The following ZNF735 variants were observed in gnomAD, a reference collection of about 807,000 sequenced individuals.
ZNF735 encodes the protein zinc finger protein 735.
Under a neutral mutation model 13.4 loss-of-function variants are expected in ZNF735, and 11 were observed. The observed-to-expected ratio is 0.82, with a 90% CI of 0.52 to 1.36. The LOEUF (loss-of-function observed/expected upper bound fraction) is 1.36, where lower values mean the gene tolerates loss of function less well. ZNF735 is among the 40% of genes most tolerant of loss of function. ZNF735 has a pLI of 0.00. For missense variants in ZNF735, 500 were observed against 484.6 expected (o/e 1.03, Z -0.30); for synonymous variants, 171 against 162.6 (o/e 1.05, Z -0.39).
intron 1 of ZNF735, among the ~76,000 whole-genome samples, chr7:64,208,540 A>G (rs2116475568): frequency 6.6e-6 from 1 of 152,224 alleles, no homozygotes; most frequent in East Asian, 1.9e-4. Flanking sequence ...TATAGGCATG[A>G]GCCACCACAC....
At chr7:64,214,229 T>G in intron 3 of ZNF735, 121 bp downstream of exon 3, 1 of 1,095,030 alleles carries the variant, frequency 9.1e-7, no homozygotes, top group Non-Finnish European at 1.3e-6. Flanking sequence ...CTGAGAAGCT[T>G]GAGTATTTTT....
Position 64,220,032 on chromosome 7 carries a change from T to A in ZNF735, c.981T>A (p.Cys327Ter). The A allele has an allele frequency of 6.2e-7, 1 of 1,612,798 alleles. No individual in the cohort carries two copies. The highest frequency in any genetic ancestry group is 8.5e-7 in the Non-Finnish European group (1 of 1,179,434). ...ATACTGGAGAGAAACCCTACACATG[T>A]GAAGAATGTGGCAAAGCCTTTAACT... Residue 327 changes from cysteine (C) to a stop codon, truncating the protein, a stop_gained, in exon 4 of 4, where the codon TGT becomes TGA. Transcript: ENST00000429565. LOFTEE classifies it low-confidence loss of function (END_TRUNC).
intron 3 of ZNF735, among the ~76,000 whole-genome samples, chr7:64,218,668 G>T (rs867966017): frequency 6.6e-6 from 1 of 151,246 alleles, no homozygotes; most frequent in African/African-American, 2.4e-5. Context: ...TTTTTGATTG[G>T]ACCATGTTGC....
rs1165156439 is a variant in ZNF735, at chr7:64,220,244, A to C, written c.1193A>C (p.Lys398Thr). Residue 398 changes from lysine (K) to threonine (T), a missense_variant, in exon 4 of 4, where the codon AAA (lysine) becomes ACA (threonine). Physicochemically the swap from Lys to Thr is moderately conservative, Grantham distance 78 (BLOSUM62 -1). Coordinates refer to ENST00000429565, the Ensembl canonical transcript of ZNF735. ...TTTAAGTGGCATTCAAGTCTTGCTA[A>C]ACATAAGATAATTCACACTGGAGAG... The C allele has an allele frequency of 1.4e-5, 23 of 1,612,088 alleles. No homozygotes were observed. Among genetic ancestry groups the C allele is most frequent in the African/African-American group, 2.7e-5 (2 of 74,808 alleles).
In ZNF735 at chr7:64,215,215, A is replaced by C. The variant is rs988086347; in HGVS notation, c.262+1107A>C. Among the ~76,000 whole-genome samples, 67 of 151,980 alleles carry C rather than the reference A, an allele frequency of 4.4e-4. 1 individual carries two copies. Among genetic ancestry groups the C allele is most frequent in the Admixed American group, 2.0e-4 (3 of 15,244 alleles). ...TACCTGGGATCAGGGATGTGCCACC[A>C]TGCCCAGCTAATTTTGTATTTTTAG... On this transcript the variant is annotated intron_variant, in intron 3 of 3. Transcript: ENST00000429565.
rs1304676700 is a variant in ZNF735 at position 64,211,865 on chromosome 7, C to CA, written c.40-1217dup. On this transcript the variant is annotated intron_variant, in intron 1 of 3. Coordinates refer to ENST00000429565, the Ensembl canonical transcript of ZNF735. The stretch of plus-strand genomic sequence containing the variant: ...TGGGCGACAGAGCAAGACTCCATCT[C>CA]AAAAAAAAAAGAAAAAAGAAAAAAA... Among the ~76,000 whole-genome samples the CA allele has an allele frequency of 8.7e-4, 91 of 104,192 alleles. 1 individual carries two copies. The highest frequency in any genetic ancestry group is 6.3e-3 in the Middle Eastern group (1 of 158). The allele number at this position is 104,192 out of a possible 152,430, so 68.4% of individuals were successfully genotyped here.
intron 3 of ZNF735, among the ~76,000 whole-genome samples, chr7:64,215,672 G>A (rs1343655658): frequency 6.7e-6 from 1 of 150,232 alleles, no homozygotes; most frequent in African/African-American, 2.5e-5. Flanking sequence ...TTCAGTCCAA[G>A]TATTTTGTTT....
chr7:64,219,715 T>C lies in ZNF735; in HGVS notation c.664T>C (p.Phe222Leu), dbSNP rs112078442. 7,176 of 1,595,208 alleles carry C rather than the reference T, an allele frequency of 4.5e-3. 243 individuals carry two copies. In the African/African-American group the frequency reaches 0.078, roughly 17 times the overall value. Residue 222 changes from phenylalanine to leucine, a missense_variant, in exon 4 of 4, where the codon TTT becomes CTT. Transcript: ENST00000429565. ...CAAATGTGAAGAATGTGGCAAATCC[T>C]TTAACCACTCCTCAAGCGGTACTAC...
chr7:64,219,388 A>C lies in ZNF735; in HGVS notation c.337A>C (p.Arg113=), dbSNP rs1007026222. The change falls in exon 4 of 4, where the codon AGA becomes CGA. Residue 113 remains arginine, a synonymous_variant. Transcript: ENST00000429565. ...AGATTCACTCCAAAAAGTAATACCA[A>C]GAACATATGGAAAATGTGGACATGA... 1.9e-6 allele frequency: 3 copies of C among 1,613,906 alleles called. No individual in the cohort carries two copies. In the African/African-American group the frequency reaches 4.0e-5, roughly 22 times the overall value.
intron 1 of ZNF735, among the ~76,000 whole-genome samples, chr7:64,208,160 T>C (rs1421580931): frequency 6.6e-6 from 1 of 152,004 alleles, no homozygotes; most frequent in African/African-American, 2.4e-5. Flanking sequence ...TGAAAATTTA[T>C]TGGTTATGTC....
At chr7:64,212,539 T>C (rs1206260985) in intron 1 of ZNF735, among the ~76,000 whole-genome samples, 1 of 152,108 alleles carries the variant, frequency 6.6e-6, no homozygotes, top group African/African-American at 2.4e-5. Context: ...ATGCCTGCAA[T>C]CCCAGCACTT....
chr7:64,215,051 T>A (rs1787403803), intron 3 of ZNF735, among the ~76,000 whole-genome samples: 1 of 151,474 alleles, frequency 6.6e-6, no homozygotes, highest in Non-Finnish European at 1.5e-5. Context: ...TAATCATTTG[T>A]CCATTTCTTT....
intron 1 of ZNF735, 91 bp from the exon 2 acceptor site, chr7:64,213,001 A>G (rs1787377705): frequency 2.2e-6 from 3 of 1,342,408 alleles, no homozygotes; most frequent in Non-Finnish European, 3.1e-6. Context: ...ACTTCTTTTT[A>G]CTCTCTTTTT....
chr7:64,214,851 G>A (rs1787401141), intron 3 of ZNF735, among the ~76,000 whole-genome samples: 1 of 150,572 alleles, frequency 6.6e-6, no homozygotes, highest in Non-Finnish European at 1.5e-5. Flanking sequence ...AACTTTCATA[G>A]GTTTCAATTT....
At chr7:64,217,361 G>C (rs1369332193) in intron 3 of ZNF735, among the ~76,000 whole-genome samples, 1 of 152,160 alleles carries the variant, frequency 6.6e-6, no homozygotes, top group Non-Finnish European at 1.5e-5. Context: ...GTGAACCAAA[G>C]AAGTCTTTTT....
chr7:64,220,085 T>G lies in ZNF735; in HGVS notation c.1034T>G (p.Ile345Arg), dbSNP rs1471148197. The change falls in exon 4 of 4, where the codon ATA becomes AGA. Residue 345 changes from isoleucine to arginine, a missense_variant. Coordinates refer to ENST00000429565, the Ensembl canonical transcript of ZNF735. ...TCCTCGACTCTTAAGACACATAAGA[T>G]AATTCATACTGGAGAGAAACCCTAC... 1.2e-5 allele frequency: 19 copies of G among 1,610,402 alleles called. No homozygotes were observed. In the East Asian group the frequency reaches 1.3e-4, roughly 11 times the overall value.
exon 4 of ZNF735, chr7:64,220,099 G>A: frequency 1.2e-6 from 2 of 1,613,646 alleles, no homozygotes; most frequent in East Asian, 2.2e-5. Context: ...TCATACTGGA[G>A]AGAAACCCTA....
At chr7:64,219,244 T>C (rs1787457116) in intron 3 of ZNF735, 70 bp from the exon 4 acceptor site, 3 of 1,533,604 alleles carry the variant, frequency 2.0e-6, no homozygotes, top group Admixed American at 2.3e-5. Context: ...CAATTTTATA[T>C]ATTTGATTTG....
chr7:64,219,289 A>G (rs779709375), intron 3 of ZNF735, 25 bp from the exon 4 acceptor site: 1 of 1,602,550 alleles, frequency 6.2e-7, no homozygotes, highest in South Asian at 1.1e-5. Context: ...TAAGTGGAGT[A>G]ACTTGTGATT....
Sources: allele counts gnomAD v4.1 joint callset (sites outside exome capture counted in the v4.1 genomes callset), GRCh38; gene constraint gnomAD v4.1.1; transcripts MANE v1.5; gene names NCBI Gene and HGNC (gene_info 2026-07-23, HGNC 2026-07-21).